CYREN: variants seen among roughly 807,000 people sequenced by gnomAD.
CYREN encodes the protein cell cycle regulator of non-homologous end joining.
CYREN carries 7 observed loss-of-function variants against 9.7 expected under a neutral mutation model. The ratio of observed to expected loss-of-function variants is 0.72; its 90% CI spans 0.41 to 1.36. CYREN has a LOEUF of 1.36. Among genes scored for constraint, CYREN ranks in the 40% most tolerant of loss-of-function variants. CYREN has a pLI of 0.01. For missense variants in CYREN, 215 were observed against 198.1 expected (o/e 1.09, Z -0.51); for synonymous variants, 76 against 77.9 (o/e 0.98, Z 0.13).
At chr7:135,128,429 C>T in intron 2 of CYREN, 1 of 666,360 alleles carries the variant, frequency 1.5e-6, no homozygotes. Context: ...TGGTTTTGTT[C>T]CTCAGAAAAT....
intron 2 of CYREN, chr7:135,147,793 G>A (rs1329312116): frequency 3.9e-5 from 18 of 456,066 alleles, no homozygotes; most frequent in Admixed American, 1.6e-4. Flanking sequence ...ATAAAATTCC[G>A]GGTTGTGTTT....
chr7:135,127,748 AT>A (rs1245178758), intron 2 of CYREN, among the ~76,000 whole-genome samples: 1 of 152,136 alleles, frequency 6.6e-6, no homozygotes, highest in African/African-American at 2.4e-5. Flanking sequence ...TAGTTCAACC[AT>A]TGTGGAAGAC....
At chr7:135,120,361 G>A (rs1274068356) in intron 2 of CYREN, among the ~76,000 whole-genome samples, 1 of 152,122 alleles carries the variant, frequency 6.6e-6, no homozygotes, top group Non-Finnish European at 1.5e-5. Context: ...GGTAAGGTTT[G>A]TACTTCACTC....
chr7:135,095,557 C>T (rs932581809), intron 2 of CYREN, among the ~76,000 whole-genome samples: 3 of 152,112 alleles, frequency 2.0e-5, no homozygotes, highest in African/African-American at 4.8e-5. Flanking sequence ...ACCCACTGTC[C>T]TGTGACCAAC....
intron 2 of CYREN, chr7:135,101,255 G>T: frequency 4.4e-6 from 2 of 456,174 alleles, no homozygotes; most frequent in Non-Finnish European, 8.8e-6. Flanking sequence ...CTTGGACTGA[G>T]AAGACAAGGA....
chr7:135,127,854 T>C (rs1010658029), intron 2 of CYREN, among the ~76,000 whole-genome samples: 12 of 152,216 alleles, frequency 7.9e-5, no homozygotes, highest in African/African-American at 2.9e-4. Context: ...TAAATCATTC[T>C]ACTATAAAGA....
At chr7:135,138,149 C>T (rs932088121) in intron 2 of CYREN, among the ~76,000 whole-genome samples, 1 of 151,752 alleles carries the variant, frequency 6.6e-6, no homozygotes, top group East Asian at 1.9e-4. Context: ...GGGAATTTGT[C>T]ATCTCTAGAG....
At chr7:135,156,031 T>A in intron 2 of CYREN, among the ~76,000 whole-genome samples, 1 of 113,568 alleles carries the variant, frequency 8.8e-6, no homozygotes, top group East Asian at 2.1e-4. Flanking sequence ...ACAGACACAC[T>A]GTTTTTTTTT....
chr7:135,142,660 A>G lies in CYREN; in HGVS notation n.356+26089T>C, dbSNP rs189049408. 2.6e-3 allele frequency among the ~76,000 whole-genome samples: 397 copies of G among 152,310 alleles called. 3 individuals are homozygous for G. Among genetic ancestry groups the G allele is most frequent in the Non-Finnish European group, 1.6e-3 (110 of 68,022 alleles). Reference sequence around the variant, plus strand: ...ACACTAGGTTAATATACAAAAGTCAATTGCCTCCTTATATGCCAGCAATGA... The same window carrying G: ...ACACTAGGTTAATATACAAAAGTCAGTTGCCTCCTTATATGCCAGCAATGA... On this transcript the variant is annotated intron_variant and non_coding_transcript_variant, in intron 2 of 2. Coordinates refer to the CYREN transcript ENST00000459937.
At chr7:135,160,028 T>C (rs1373172257) in intron 2 of CYREN, among the ~76,000 whole-genome samples, 2 of 152,230 alleles carry the variant, frequency 1.3e-5, no homozygotes, top group African/African-American at 4.8e-5. Context: ...CTATAAACTA[T>C]GATACAGCTA....
chr7:135,115,690 C>A, intron 2 of CYREN: 1 of 1,212,560 alleles, frequency 8.2e-7, no homozygotes, highest in Non-Finnish European at 1.1e-6. Flanking sequence ...ATTTATTATC[C>A]TACGAAAAAA....
intron 2 of CYREN, among the ~76,000 whole-genome samples, chr7:135,103,321 T>TA (rs1563268051): frequency 2.6e-5 from 4 of 152,200 alleles, no homozygotes; most frequent in South Asian, 2.1e-4. Context: ...GAGTTCCTTA[T>TA]ACTAGTCTCT....
intron 2 of CYREN, among the ~76,000 whole-genome samples, chr7:135,098,978 C>A (rs1033591265): frequency 6.6e-6 from 1 of 152,114 alleles, no homozygotes; most frequent in East Asian, 1.9e-4. Flanking sequence ...CTCACACATA[C>A]TATTAATCTG....
chr7:135,107,954 T>C (rs1440614416), intron 2 of CYREN, among the ~76,000 whole-genome samples: 1 of 152,230 alleles, frequency 6.6e-6, no homozygotes, highest in African/African-American at 2.4e-5. Context: ...GAGCCCTGAT[T>C]ACCATTATGT....
intron 2 of CYREN, among the ~76,000 whole-genome samples, chr7:135,145,284 G>A (rs780151998): frequency 1.3e-5 from 2 of 152,188 alleles, no homozygotes; most frequent in Non-Finnish European, 2.9e-5. Flanking sequence ...GATATTTTCA[G>A]TTTTGTAAGT....
rs1585303038 is a variant in CYREN, at chr7:135,131,621, A to G, written n.357-37039T>C. Among the ~76,000 whole-genome samples the G allele has an allele frequency of 3.9e-5, 6 of 152,130 alleles. No individual in the cohort carries two copies. The South Asian group carries it at 1.2e-3, about 32-fold the overall frequency. The stretch of plus-strand genomic sequence containing the variant: ...AAATGAGAAAACATCTGAAATCAAT[A>G]ATCTAAGCTCCCACCTCAGGGACCT... On this transcript the variant is annotated intron_variant and non_coding_transcript_variant, in intron 2 of 2. Transcript: ENST00000459937.
chr7:135,147,810 CA>C (rs1263351845), intron 2 of CYREN: 3 of 456,124 alleles, frequency 6.6e-6, no homozygotes, highest in African/African-American at 6.0e-5. Context: ...GTTTATCTTG[CA>C]GTTTAAATCA....
chr7:135,113,537 G>T (rs12707214), intron 2 of CYREN, among the ~76,000 whole-genome samples: 12 of 151,954 alleles, frequency 7.9e-5, no homozygotes, highest in Non-Finnish European at 1.5e-4. Context: ...CTCTTATGCT[G>T]TCTACGGACC....
chr7:135,095,890 G>A (rs550644662), intron 2 of CYREN, among the ~76,000 whole-genome samples: 26 of 152,290 alleles, frequency 1.7e-4, no homozygotes, highest in African/African-American at 5.3e-4. Flanking sequence ...AGTGGCTCAC[G>A]CCTGTAATCC....
Sources: allele counts gnomAD v4.1 joint callset (sites outside exome capture counted in the v4.1 genomes callset), GRCh38; gene constraint gnomAD v4.1.1; transcripts MANE v1.5; gene names NCBI Gene and HGNC (gene_info 2026-07-23, HGNC 2026-07-21).